The following STAC variants were observed in gnomAD, a reference collection of about 807,000 sequenced individuals.
STAC encodes SH3 and cysteine-rich domain-containing protein.
In STAC, 43 loss-of-function variants were observed where a neutral mutation model predicts 48.8. The observed-to-expected ratio is 0.88, with a 90% CI of 0.69 to 1.14. STAC has a LOEUF of 1.14. Ranked by LOEUF, STAC falls within the 50% of genes most tolerant of loss-of-function variation. The probability of loss-of-function intolerance (pLI) is 0.00; values close to 1 mark genes in which losing one functional copy is unlikely to be tolerated. For synonymous variants in STAC, 193 were observed against 179.5 expected, an observed-to-expected ratio of 1.07 and a Z score of -0.60; for missense variants, 497 against 504.0, an observed-to-expected ratio of 0.99 and a Z score of 0.13.
intron 10 of STAC, among the ~76,000 whole-genome samples, chr3:36,530,593 C>CTTTTTTTTTTTTTTTTTTT (rs577222686): frequency 1.0e-3 from 75 of 72,000 alleles, no homozygotes; most frequent in East Asian, 1.7e-3. Context: ...TTTTTTTTTT[C>CTTTTTTTTTTTTTTTTTTT]TTTTTTTTTT....
chr3:36,424,477 T>C (rs1163930744), intron 1 of STAC, among the ~76,000 whole-genome samples: 1 of 152,150 alleles, frequency 6.6e-6, no homozygotes, highest in Non-Finnish European at 1.5e-5. Context: ...ATTTATATAT[T>C]CCCTAGCTCT....
chr3:36,490,799 C>T (rs1309022756), intron 5 of STAC, among the ~76,000 whole-genome samples: 1 of 152,182 alleles, frequency 6.6e-6, no homozygotes, highest in Non-Finnish European at 1.5e-5. Flanking sequence ...TCCCAGTTTG[C>T]TTTCATCTCT....
intron 2 of STAC, among the ~76,000 whole-genome samples, chr3:36,445,894 A>G (rs1470910184): frequency 6.6e-6 from 1 of 152,098 alleles, no homozygotes; most frequent in East Asian, 1.9e-4. Flanking sequence ...AATAAAATGA[A>G]CCTGACACCC....
intron 8 of STAC, among the ~76,000 whole-genome samples, chr3:36,517,592 T>C (rs771421100): frequency 2.0e-5 from 3 of 152,186 alleles, no homozygotes; most frequent in Non-Finnish European, 2.9e-5. Context: ...AGGTTGAGGC[T>C]GTAGTGAGCT....
chr3:36,471,976 G>T (rs1026156608), intron 2 of STAC, among the ~76,000 whole-genome samples: 3 of 152,222 alleles, frequency 2.0e-5, no homozygotes, highest in Non-Finnish European at 4.4e-5. Context: ...GGGACTCTGT[G>T]TGGGGTCTCC....
chr3:36,463,322 C>A (rs938876882), intron 2 of STAC, among the ~76,000 whole-genome samples: 1 of 152,046 alleles, frequency 6.6e-6, no homozygotes, highest in Non-Finnish European at 1.5e-5. Context: ...CATCCTCAGT[C>A]ATTAGGCTAG....
chr3:36,545,415 A>C (rs1000129980), intron 10 of STAC, among the ~76,000 whole-genome samples: 1 of 152,172 alleles, frequency 6.6e-6, no homozygotes, highest in African/African-American at 2.4e-5. Context: ...CCACTCAATA[A>C]GTCACTTGTA....
intron 2 of STAC, among the ~76,000 whole-genome samples, chr3:36,447,773 TA>T (rs1339143410): frequency 2.0e-5 from 3 of 152,050 alleles, no homozygotes; most frequent in African/African-American, 7.2e-5. Context: ...AGGGGAATAT[TA>T]AAAAGTAAAT....
chr3:36,421,672 A>C (rs764874827), intron 1 of STAC, among the ~76,000 whole-genome samples: 2 of 152,092 alleles, frequency 1.3e-5, no homozygotes, highest in African/African-American at 2.4e-5. Context: ...GGATCCAATT[A>C]TTCATTTATA....
At position 36,407,475 on chromosome 3, in the gene STAC, T is replaced by C. The variant is rs547344571; in HGVS notation, c.111+26721T>C. ...GATGATGACTAATTTGTCATAGCCA[T>C]TCAGAATTCCATTTCATTAGCAGGT... On this transcript the variant is annotated intron_variant, in intron 1 of 10. Coordinates refer to ENST00000273183, the MANE Select transcript of STAC (RefSeq NM_003149.3). Among the ~76,000 whole-genome samples, 26 of 152,316 alleles carry C rather than the reference T, an allele frequency of 1.7e-4. No individual in the cohort carries two copies. The South Asian group carries it at 5.2e-3, about 30-fold the overall frequency.
chr3:36,465,379 A>G (rs1697138840), intron 2 of STAC, among the ~76,000 whole-genome samples: 1 of 152,106 alleles, frequency 6.6e-6, no homozygotes. Context: ...GGAGGTATAC[A>G]TTGTGAAGAT....
chr3:36,380,811 C>T, intron 1 of STAC, 57 bp downstream of exon 1: 1 of 1,370,470 alleles, frequency 7.3e-7, no homozygotes, highest in Non-Finnish European at 1.0e-6. Flanking sequence ...TCCTGTCGGT[C>T]CAGCTTTGTC....
intron 3 of STAC, among the ~76,000 whole-genome samples, chr3:36,484,769 A>G (rs575912590): frequency 1.3e-5 from 2 of 152,324 alleles, no homozygotes; most frequent in East Asian, 3.9e-4. Flanking sequence ...TTTTCTGGAT[A>G]GAGTGTAACT....
At chr3:36,383,244 C>T (rs1041538718) in intron 1 of STAC, among the ~76,000 whole-genome samples, 1 of 152,088 alleles carries the variant, frequency 6.6e-6, no homozygotes, top group Non-Finnish European at 1.5e-5. Flanking sequence ...TCAGATACAA[C>T]CTTAATCTTC....
chr3:36,395,317 T>C (rs553168304), intron 1 of STAC, among the ~76,000 whole-genome samples: 80 of 152,236 alleles, frequency 5.3e-4, no homozygotes, highest in African/African-American at 1.9e-3. Context: ...AAGTGAAAGA[T>C]GGATTGGCAT....
Position 36,546,196 on chromosome 3 carries a change from C to A in STAC, c.1116C>A (p.Cys372Ter). Residue 372 changes from cysteine to a stop codon, truncating the protein, a stop_gained, in exon 11 of 11, where the codon TGC (cysteine) becomes TGA (stop). Coordinates refer to ENST00000273183, the MANE Select transcript of STAC (RefSeq NM_003149.3). LOFTEE classifies it high-confidence loss of function. ...GQITLKENQI[C>*]VSSEEEQDGF... The stretch of plus-strand genomic sequence containing the variant: ...TTTTCTTCCTTGGCATTCAGATCTG[C>A]GTGAGTTCTGAAGAAGAACAAGATG... 6.2e-7 allele frequency: 1 copy of A among 1,613,152 alleles called. No individual in the cohort carries two copies. Among genetic ancestry groups the A allele is most frequent in the Non-Finnish European group, 8.5e-7 (1 of 1,179,248 alleles).
chr3:36,486,213 C>A lies in STAC; in HGVS notation c.651C>A (p.Ser217Arg). The part of the protein sequence containing the change: ...TSLAQRTKKG[S>R]SGSGSDSPHR... ...TGGCCCAGAGGACAAAGAAGGGCAG[C>A]TCCGGCAGTGGCTCTGACTCACCTC... is the stretch of plus-strand genomic sequence containing the variant. Residue 217 changes from serine to arginine, a missense_variant, in exon 5 of 11, where the codon AGC becomes AGA. Ser to Arg is a moderately radical substitution (Grantham distance 110). Coordinates refer to ENST00000273183, the MANE Select transcript of STAC (RefSeq NM_003149.3). 1 of 1,614,032 alleles carries A rather than the reference C, an allele frequency of 6.2e-7. No homozygotes were observed. Among genetic ancestry groups the A allele is most frequent in the Non-Finnish European group, 8.5e-7 (1 of 1,179,950 alleles).
chr3:36,503,937 T>C (rs1441950721), intron 6 of STAC, among the ~76,000 whole-genome samples: 1 of 152,210 alleles, frequency 6.6e-6, no homozygotes, highest in African/African-American at 2.4e-5. Flanking sequence ...TGTAGATATC[T>C]TCAAGAAACT....
intron 10 of STAC, among the ~76,000 whole-genome samples, chr3:36,533,596 C>T (rs1699126029): frequency 1.4e-5 from 2 of 144,176 alleles, no homozygotes; most frequent in African/African-American, 2.6e-5. Context: ...TTAAAATTTG[C>T]TCAAGTTGAT....
Sources: gnomAD v4.1 joint callset for allele counts (sites outside exome capture counted in the v4.1 genomes callset) on GRCh38, gnomAD v4.1.1 for gene constraint, MANE v1.5 for transcripts, NCBI Gene and HGNC (gene_info 2026-07-23, HGNC 2026-07-21) for gene names.